Variants in LPAR6 observed in about 807,000 individuals in gnomAD.
The protein encoded by LPAR6 is G-protein coupled purinergic receptor P2Y5.
Under a neutral mutation model 22.0 loss-of-function variants are expected in LPAR6, and 17 were observed. The observed-to-expected ratio is 0.77, with a 90% CI of 0.53 to 1.16. LPAR6 has a LOEUF of 1.16. LPAR6 is among the 50% of genes most tolerant of loss of function. The probability of loss-of-function intolerance (pLI) is 0.00; values close to 1 mark genes in which losing one functional copy is unlikely to be tolerated. For missense variants in LPAR6, 384 were observed against 406.9 expected (o/e 0.94, Z 0.48); for synonymous variants, 136 against 139.8 (o/e 0.97, Z 0.19).
chr13:48,411,231 C>T lies in LPAR6; in HGVS notation c.*158G>A. 3.1e-6 allele frequency: 2 copies of T among 647,834 alleles called. No individual in the cohort carries two copies. Among genetic ancestry groups the T allele is most frequent in the Non-Finnish European group, 5.5e-6 (2 of 364,312 alleles). The allele number at this position is 647,834 out of a possible 1,614,324, so 40.1% of individuals were successfully genotyped here. ...TACACAAATAAAATACATGTTAATG[C>T]TTAACACATTGAATACAAATTTTCT... On this transcript the variant is annotated 3_prime_UTR_variant, in exon 1 of 1. Transcript: ENST00000620633.
chr13:48,411,331 C>T lies in LPAR6; in HGVS notation c.*58G>A. The T allele has an allele frequency of 7.2e-7, 1 of 1,384,960 alleles. No homozygotes were observed. Among genetic ancestry groups the T allele is most frequent in the Non-Finnish European group, 1.0e-6 (1 of 978,026 alleles). 85.8% of individuals were successfully genotyped at this position (1,384,960 alleles called of 1,614,324 possible). A position where few individuals can be genotyped will look rare whatever the true frequency, so the allele number is the denominator to read the frequency against. On this transcript the variant is annotated 3_prime_UTR_variant, in exon 1 of 1. Coordinates refer to ENST00000620633, the MANE Select transcript of LPAR6 (RefSeq NM_001162498.3). ...GAAAAATAGTTTGTCCAAAAAGACACTTTTCACAGTTGAAGGAACTTGAAA... is the reference window on the plus strand; with the variant it reads ...GAAAAATAGTTTGTCCAAAAAGACATTTTTCACAGTTGAAGGAACTTGAAA...
At chr13:48,425,264 T>C (rs577402644) in intron 1 of LPAR6, among the ~76,000 whole-genome samples, 1 of 152,286 alleles carries the variant, frequency 6.6e-6, no homozygotes, top group East Asian at 1.9e-4. Context: ...GGTAATAATG[T>C]CCCATTAATA....
intron 1 of LPAR6, among the ~76,000 whole-genome samples, chr13:48,435,995 A>G (rs1321432843): frequency 1.3e-5 from 2 of 152,222 alleles, no homozygotes; most frequent in African/African-American, 4.8e-5. Context: ...ACCCAACTCT[A>G]TGCTATCTAA....
intron 1 of LPAR6, among the ~76,000 whole-genome samples, chr13:48,423,754 G>A (rs1949041736): frequency 6.6e-6 from 1 of 152,154 alleles, no homozygotes; most frequent in South Asian, 2.1e-4. Context: ...AAGTTCAAAA[G>A]AAAGTGTGAG....
In LPAR6 at chr13:48,412,430, G is replaced by A. The variant is rs765143549; in HGVS notation, c.-7C>T. 6.2e-6 allele frequency: 10 copies of A among 1,609,300 alleles called. No individual in the cohort carries two copies. Among genetic ancestry groups the A allele is most frequent in the Non-Finnish European group, 8.5e-6 (10 of 1,175,788 alleles). ...AGCTGTTAACGCTTACCATCGTAAA[G>A]GCACGTCCAATTTTCAGTTTGGAAG... On this transcript the variant is annotated 5_prime_UTR_variant, in exon 1 of 1. Coordinates refer to ENST00000620633, the MANE Select transcript of LPAR6 (RefSeq NM_001162498.3).
At chr13:48,433,898 T>C (rs1192847726) in intron 1 of LPAR6, among the ~76,000 whole-genome samples, 1 of 151,850 alleles carries the variant, frequency 6.6e-6, no homozygotes, top group Non-Finnish European at 1.5e-5. Flanking sequence ...TATACATATA[T>C]ACTTTTTTTC....
intron 1 of LPAR6, among the ~76,000 whole-genome samples, chr13:48,390,655 C>T (rs1948604558): frequency 6.6e-6 from 1 of 152,132 alleles, no homozygotes; most frequent in Non-Finnish European, 1.5e-5. Flanking sequence ...GTGCATAAAG[C>T]ATTAGATTTG....
In LPAR6 at chr13:48,411,482, G is replaced by C. The variant is rs1948799851; in HGVS notation, c.942C>G (p.Phe314Leu). 8.1e-6 allele frequency: 13 copies of C among 1,612,784 alleles called. No individual in the cohort carries two copies. The highest frequency in any genetic ancestry group is 1.1e-5 in the Non-Finnish European group (13 of 1,179,170). ...MKNWSVRRSD[F>L]RFSEVHGAEN... ...CTGCACCATGAACTTCAGAGAATCT[G>C]AAGTCACTTCTCCTGACAGACCAGT... The change falls in exon 1 of 1, where the codon TTC (phenylalanine) becomes TTG (leucine). Residue 314 changes from phenylalanine (F) to leucine (L), a missense_variant. Transcript: ENST00000620633.
rs149608865 is a variant in LPAR6 at position 48,398,280 on chromosome 13, C to G, written n.115-8468G>C. Among the ~76,000 whole-genome samples, 22 of 152,268 alleles carry G rather than the reference C, an allele frequency of 1.4e-4. No individual in the cohort carries two copies. The East Asian group carries it at 4.2e-3, about 29-fold the overall frequency. ...ATAGCTAAAGCTTTAACCTTTCTCA[C>G]TCTGACCCAATATATTCCTAATATA... On this transcript the variant is annotated intron_variant and non_coding_transcript_variant, in intron 1 of 1. Coordinates refer to the LPAR6 transcript ENST00000462781.
At chr13:48,398,747 C>G (rs1472219582) in intron 1 of LPAR6, among the ~76,000 whole-genome samples, 1 of 151,908 alleles carries the variant, frequency 6.6e-6, no homozygotes, top group Non-Finnish European at 1.5e-5. Flanking sequence ...TTTACTACCT[C>G]TATAATATAT....
At chr13:48,392,039 G>C (rs1011469873) in intron 1 of LPAR6, among the ~76,000 whole-genome samples, 1 of 152,120 alleles carries the variant, frequency 6.6e-6, no homozygotes, top group Non-Finnish European at 1.5e-5. Context: ...TGAATTCTAG[G>C]TTGACAGTCT....
chr13:48,402,243 T>C (rs1436305813), intron 1 of LPAR6, among the ~76,000 whole-genome samples: 1 of 152,186 alleles, frequency 6.6e-6, no homozygotes, highest in East Asian at 1.9e-4. Flanking sequence ...ACTTTTAGAT[T>C]GGCATCTGAT....
chr13:48,413,605 C>G (rs1948856233), upstream of LPAR6, among the ~76,000 whole-genome samples: 1 of 152,126 alleles, frequency 6.6e-6, no homozygotes, highest in African/African-American at 2.4e-5. Context: ...GAAAAATACT[C>G]AATATTTAAT....
At chr13:48,416,740 C>G (rs1268107944), upstream of LPAR6, among the ~76,000 whole-genome samples, 1 of 152,160 alleles carries the variant, frequency 6.6e-6, no homozygotes, top group East Asian at 1.9e-4. Context: ...GATGCTGGAG[C>G]TTGGTGGGAG....
chr13:48,415,165 C>A (rs542721787), upstream of LPAR6, among the ~76,000 whole-genome samples: 7 of 152,060 alleles, frequency 4.6e-5, no homozygotes, highest in Non-Finnish European at 7.4e-5. Flanking sequence ...TTTTCTCATT[C>A]AAATAATTAA....
At chr13:48,428,426 T>C (rs1003811350), upstream of LPAR6, among the ~76,000 whole-genome samples, 11 of 144,848 alleles carry the variant, frequency 7.6e-5, no homozygotes, top group African/African-American at 2.4e-4. Context: ...GGGGAGCACA[T>C]TTCAACACGA....
chr13:48,407,478 A>G (rs937046743), downstream of LPAR6, among the ~76,000 whole-genome samples: 1 of 152,180 alleles, frequency 6.6e-6, no homozygotes, highest in African/African-American at 2.4e-5. Context: ...TGTTTAATTG[A>G]CATTCTTTGT....
chr13:48,392,375 T>C (rs1948617591), intron 1 of LPAR6, among the ~76,000 whole-genome samples: 1 of 152,196 alleles, frequency 6.6e-6, no homozygotes, highest in Admixed American at 6.5e-5. Flanking sequence ...CTTCCCAAAG[T>C]GCTGGGATTA....
At chr13:48,426,762 C>G (rs1310087414) in intron 1 of LPAR6, 1 of 151,772 alleles carries the variant, frequency 6.6e-6, no homozygotes, top group Non-Finnish European at 1.5e-5. Context: ...CCCTTTTTTT[C>G]TTACTGATGT....
Sources: gnomAD v4.1 joint callset for allele counts (sites outside exome capture counted in the v4.1 genomes callset) on GRCh38, gnomAD v4.1.1 for gene constraint, MANE v1.5 for transcripts, NCBI Gene and HGNC (gene_info 2026-07-23, HGNC 2026-07-21) for gene names.